PSD4: variants seen among roughly 807,000 people sequenced by gnomAD.
The protein encoded by PSD4 is pleckstrin and Sec7 domain containing 4.
In PSD4, 59 loss-of-function variants were observed where a neutral mutation model predicts 112.5. The observed-to-expected ratio is 0.52, with a 90% CI of 0.43 to 0.65. PSD4 has a LOEUF of 0.65. PSD4 is among the 30% of genes least tolerant of loss of function. The pLI is 0.00. For missense variants in PSD4, 1,267 were observed against 1,352.6 expected (o/e 0.94, Z 0.99); for synonymous variants, 533 against 540.0 (o/e 0.99, Z 0.18).
chr2:113,177,917 G>A (rs992666980), intron 1 of PSD4, among the ~76,000 whole-genome samples: 6 of 152,100 alleles, frequency 3.9e-5, no homozygotes, highest in African/African-American at 1.4e-4. Flanking sequence ...GAGTTTAATT[G>A]GTTTAAAAAG....
chr2:113,185,917 C>A lies in PSD4; in HGVS notation c.1290C>A (p.Cys430Ter). ...EGGHPQESLP[C>*]TLAPCPWRSP... ...GACACCCCCAGGAATCTCTTCCCTG[C>A]ACCTTGGCCCCCTGCCCCTGGAGGA... is the stretch of plus-strand genomic sequence containing the variant. The change falls in exon 5 of 17, where the codon TGC (cysteine) becomes TGA (stop). Residue 430 changes from cysteine to a stop codon, truncating the protein, a stop_gained. Coordinates refer to ENST00000245796, the MANE Select transcript of PSD4 (RefSeq NM_012455.3). LOFTEE classifies it high-confidence loss of function. 1.2e-6 allele frequency: 2 copies of A among 1,613,438 alleles called. No individual in the cohort carries two copies. Among genetic ancestry groups the A allele is most frequent in the Non-Finnish European group, 8.5e-7 (1 of 1,179,624 alleles).
At chr2:113,182,001 AG>A (rs1205818523) in intron 1 of PSD4, among the ~76,000 whole-genome samples, 1 of 142,876 alleles carries the variant, frequency 7.0e-6, no homozygotes, top group East Asian at 2.1e-4. Flanking sequence ...TTCCGCCTTC[AG>A]TTCCTGCTGC....
At position 113,208,645 on chromosome 2, in the gene PSD4, G is replaced by C. The variant is rs890253355; in HGVS notation, c.*7230G>C. The C allele has an allele frequency of 2.6e-5, 4 of 152,236 alleles. No individual in the cohort carries two copies. The highest frequency in any genetic ancestry group is 1.3e-4 in the Admixed American group (2 of 15,270). The allele number at this position is 152,236 out of a possible 1,614,324, so 9.4% of individuals were successfully genotyped here. On this transcript the variant is annotated 3_prime_UTR_variant, in exon 17 of 17. Transcript: ENST00000245796. Reference sequence around the variant, plus strand: ...CCTCTGTGGTGTGACACAGGTTCAGGAGGAGGTACCCAGACACAGAAGAGA... The same window carrying C: ...CCTCTGTGGTGTGACACAGGTTCAGCAGGAGGTACCCAGACACAGAAGAGA...
chr2:113,185,836 C>T (rs1178753925), intron 4 of PSD4, 41 bp from the exon 5 acceptor site: 2 of 1,585,532 alleles, frequency 1.3e-6, no homozygotes, highest in Non-Finnish European at 1.7e-6. Flanking sequence ...CGTTCTCCTG[C>T]CTCCTGCCCT....
intron 5 of PSD4, among the ~76,000 whole-genome samples, chr2:113,188,606 A>C (rs1418131110): frequency 2.0e-5 from 3 of 148,958 alleles, no homozygotes; most frequent in African/African-American, 7.5e-5. Context: ...TTTGAGATGG[A>C]GTCTCACTCT....
chr2:113,176,450 C>A (rs893213675), intron 1 of PSD4, among the ~76,000 whole-genome samples: 6 of 152,312 alleles, frequency 3.9e-5, no homozygotes, highest in African/African-American at 1.2e-4. Flanking sequence ...GGTGAAGATT[C>A]TCTGAAATGT....
intron 3 of PSD4, 132 bp from the exon 4 acceptor site, chr2:113,185,233 G>A (rs563566559): frequency 5.8e-6 from 9 of 1,544,316 alleles, no homozygotes; most frequent in Non-Finnish European, 7.9e-6. Flanking sequence ...GTGGGAGGAG[G>A]ATGGAGGGGC....
intron 1 of PSD4, among the ~76,000 whole-genome samples, chr2:113,179,063 C>A (rs911740611): frequency 2.6e-5 from 4 of 152,134 alleles, no homozygotes; most frequent in Admixed American, 6.6e-5. Flanking sequence ...CTTGAGGAGG[C>A]GCAGTGGGAT....
chr2:113,197,625 C>A lies in PSD4; in HGVS notation c.2448C>A (p.Tyr816Ter). The A allele has an allele frequency of 6.2e-6, 10 of 1,614,236 alleles. No homozygotes were observed. The highest frequency in any genetic ancestry group is 1.3e-5 in the African/African-American group (1 of 75,050). The change falls in exon 13 of 17, where the codon TAC becomes TAA. Residue 816 changes from tyrosine to a stop codon, truncating the protein, a stop_gained. Coordinates refer to ENST00000245796, the MANE Select transcript of PSD4 (RefSeq NM_012455.3). LOFTEE classifies it high-confidence loss of function. ...FHTLLRGMVL[Y>*]FLKQGEDHCL... ...CCTTACTGCGAGGGATGGTTCTCTA[C>A]TTCCTGAAGGTAGGAAAGGAGCCAA... is the stretch of plus-strand genomic sequence containing the variant.
intron 12 of PSD4, 195 bp from the exon 13 acceptor site, chr2:113,197,369 T>G: frequency 1.5e-6 from 1 of 649,152 alleles, no homozygotes; most frequent in East Asian, 2.8e-5. Context: ...ATTGCCTGTG[T>G]GTGGAGAGAC....
chr2:113,192,572 T>G lies in PSD4; in HGVS notation c.1821T>G (p.Ala607=), dbSNP rs1379237111. ...AGGGCTTCCGGAAGTCTGAAGTGGC[T>G]GCCTACCTGCAGAAGAAGTAAGGGG... The part of the protein sequence containing the change: ...RLEGFRKSEV[A]AYLQKNNDFS... Residue 607 remains alanine, a synonymous_variant, in exon 6 of 17, where the codon GCT becomes GCG. Coordinates refer to ENST00000245796, the MANE Select transcript of PSD4 (RefSeq NM_012455.3). 2 of 1,614,126 alleles carry G rather than the reference T, an allele frequency of 1.2e-6. No homozygotes were observed. The highest frequency in any genetic ancestry group is 1.7e-6 in the Non-Finnish European group (2 of 1,179,972).
Position 113,182,687 on chromosome 2 carries a change from C to G in PSD4, c.231C>G (p.Ser77Arg), listed in dbSNP as rs759622290. Residue 77 changes from serine (S) to arginine (R), a missense_variant, in exon 2 of 17, where the codon AGC becomes AGG. Ser to Arg is a moderately radical substitution (Grantham distance 110). Transcript: ENST00000245796. ...GSGVELTHLG[S>R]WVHQDGLEPC... ...GTGTGGAGCTCACACACCTGGGGAG[C>G]TGGGTCCATCAGGACGGGCTGGAGC... 1.2e-6 allele frequency: 2 copies of G among 1,611,738 alleles called. No individual in the cohort carries two copies. Among genetic ancestry groups the G allele is most frequent in the Non-Finnish European group, 1.7e-6 (2 of 1,178,610 alleles).
At chr2:113,190,801 G>C (rs6756147) in intron 5 of PSD4, among the ~76,000 whole-genome samples, 133,185 of 152,194 alleles carry the variant, frequency 0.88, 59,465 homozygotes, top group Non-Finnish European at 0.97. Context: ...GAAAATCAAG[G>C]ATGAATGCAA....
intron 1 of PSD4, among the ~76,000 whole-genome samples, chr2:113,175,820 C>G (rs533523504): frequency 1.3e-5 from 2 of 152,158 alleles, no homozygotes; most frequent in Non-Finnish European, 2.9e-5. Flanking sequence ...TCTAAATGGA[C>G]AGCAAAACAA....
Position 113,182,505 on chromosome 2 carries a change from C to G in PSD4, c.49C>G (p.Leu17Val). 1 of 1,614,128 alleles carries G rather than the reference C, an allele frequency of 6.2e-7. No homozygotes were observed. The highest frequency in any genetic ancestry group is 8.5e-7 in the Non-Finnish European group (1 of 1,179,996). The stretch of plus-strand genomic sequence containing the variant: ...TGACCACCCCCAGCCCATGGAAATT[C>G]TCAACCTGTACTTGGGAGACAGCCT... ...LPDHPQPMEI[L>V]NLYLGDSLEP... The change falls in exon 2 of 17, where the codon CTC becomes GTC. Residue 17 changes from leucine to valine, a missense_variant. This residue lies in a region of PSD4 where 723 missense variants were observed against 704.0 expected (regional missense o/e 1.03). Coordinates refer to ENST00000245796, the MANE Select transcript of PSD4 (RefSeq NM_012455.3).
chr2:113,196,031 G>A, intron 11 of PSD4, 116 bp from the exon 12 acceptor site: 6 of 1,335,402 alleles, frequency 4.5e-6, no homozygotes, highest in Non-Finnish European at 6.3e-6. Flanking sequence ...CTTGTGGGGG[G>A]TCCTGGGGTG....
chr2:113,186,374 C>T, intron 5 of PSD4, 119 bp downstream of exon 5: 1 of 1,152,288 alleles, frequency 8.7e-7, no homozygotes, highest in Non-Finnish European at 1.2e-6. Flanking sequence ...ATTTATTAAG[C>T]AAGGATTATA....
intron 6 of PSD4, 73 bp from the exon 7 acceptor site, chr2:113,192,975 T>G (rs183039469): frequency 1.4e-6 from 2 of 1,474,994 alleles, no homozygotes; most frequent in Non-Finnish European, 1.9e-6. Context: ...GTGCAGGCCC[T>G]GGGGGCCCCA....
At chr2:113,187,154 G>C (rs1460489395) in intron 5 of PSD4, among the ~76,000 whole-genome samples, 5 of 152,244 alleles carry the variant, frequency 3.3e-5, no homozygotes, top group African/African-American at 9.6e-5. Flanking sequence ...AACCCCGAGA[G>C]GAAGGTATTC....
Sources: allele counts gnomAD v4.1 joint callset (sites outside exome capture counted in the v4.1 genomes callset), GRCh38; gene constraint gnomAD v4.1.1; regional missense constraint gnomAD v4.1.1; transcripts MANE v1.5; gene names NCBI Gene and HGNC (gene_info 2026-07-23, HGNC 2026-07-21).